Variants in WWOX observed in about 807,000 individuals in gnomAD.
WWOX encodes WW domain-containing oxidoreductase.
In WWOX, 69 loss-of-function variants were observed where a neutral mutation model predicts 46.2. The ratio of observed to expected loss-of-function variants is 1.49; its 90% CI spans 1.23 to 1.82. WWOX has a LOEUF of 1.82. WWOX is among the 40% of genes most tolerant of loss of function. The probability of loss-of-function intolerance (pLI) is 0.00; values close to 1 mark genes in which losing one functional copy is unlikely to be tolerated. For missense variants in WWOX, 919 were observed against 542.6 expected (o/e 1.69, Z -6.89); for synonymous variants, 359 against 202.6 (o/e 1.77, Z -6.56).
At chr16:78,578,610 A>G (rs932787093) in intron 8 of WWOX, among the ~76,000 whole-genome samples, 2 of 151,988 alleles carry the variant, frequency 1.3e-5, no homozygotes, top group African/African-American at 2.4e-5. Flanking sequence ...TATACACACA[A>G]ACATACACAC....
At chr16:78,682,601 A>G (rs1420720418) in intron 8 of WWOX, among the ~76,000 whole-genome samples, 1 of 152,182 alleles carries the variant, frequency 6.6e-6, no homozygotes, top group African/African-American at 2.4e-5. Context: ...CAAGAAGGCC[A>G]CATGTGGTGG....
At chr16:78,788,159 C>T (rs138375411) in intron 8 of WWOX, among the ~76,000 whole-genome samples, 2 of 152,148 alleles carry the variant, frequency 1.3e-5, no homozygotes, top group South Asian at 2.1e-4. Flanking sequence ...ATGAAGTCCC[C>T]TTTATCTATT....
At chr16:78,137,473 C>A (rs868521750) in intron 4 of WWOX, among the ~76,000 whole-genome samples, 1 of 152,010 alleles carries the variant, frequency 6.6e-6, no homozygotes, top group South Asian at 2.1e-4. Context: ...GGTGTCTGAC[C>A]GCTTGTGTTA....
intron 8 of WWOX, among the ~76,000 whole-genome samples, chr16:78,698,169 T>A (rs1337612136): frequency 6.6e-6 from 1 of 152,184 alleles, no homozygotes. Flanking sequence ...ATGGTCCCCT[T>A]TGTCAAAGAG....
chr16:78,393,651 A>G (rs2082224461), intron 6 of WWOX, among the ~76,000 whole-genome samples: 1 of 152,184 alleles, frequency 6.6e-6, no homozygotes, highest in Non-Finnish European at 1.5e-5. Flanking sequence ...AATACTGACC[A>G]AGGGTTTTGA....
At chr16:79,112,806 A>C (rs1275102958) in intron 8 of WWOX, among the ~76,000 whole-genome samples, 1 of 152,190 alleles carries the variant, frequency 6.6e-6, no homozygotes, top group African/African-American at 2.4e-5. Context: ...CAGATGAGGA[A>C]ACTGAGGTGA....
intron 8 of WWOX, among the ~76,000 whole-genome samples, chr16:79,012,570 A>G (rs35574096): frequency 0.25 from 38,031 of 152,016 alleles, 5,543 homozygotes; most frequent in East Asian, 0.56. Flanking sequence ...ATTGTGATCA[A>G]TTTGAAGATC....
At chr16:78,590,782 G>A (rs1206269640) in intron 8 of WWOX, among the ~76,000 whole-genome samples, 1 of 152,194 alleles carries the variant, frequency 6.6e-6, no homozygotes, top group Non-Finnish European at 1.5e-5. Context: ...TCATTTGCAA[G>A]ACCTAATTTC....
chr16:78,533,737 C>A (rs865970326), intron 8 of WWOX, among the ~76,000 whole-genome samples: 2 of 152,194 alleles, frequency 1.3e-5, no homozygotes, highest in East Asian at 1.9e-4. Flanking sequence ...ATGTTATTCC[C>A]TCCAGAAAGC....
intron 5 of WWOX, among the ~76,000 whole-genome samples, chr16:78,226,771 G>A (rs557893741): frequency 2.6e-5 from 4 of 152,154 alleles, no homozygotes; most frequent in Admixed American, 1.3e-4. Context: ...TATTACAGGT[G>A]CATGATAAGT....
chr16:78,983,777 C>T (rs960094280), intron 8 of WWOX, among the ~76,000 whole-genome samples: 2 of 150,546 alleles, frequency 1.3e-5, no homozygotes, highest in Non-Finnish European at 3.0e-5. Flanking sequence ...ACCCCTGTGA[C>T]TTTGAGACAT....
chr16:78,767,656 C>T (rs972353286), intron 8 of WWOX, among the ~76,000 whole-genome samples: 3 of 152,170 alleles, frequency 2.0e-5, no homozygotes, highest in Non-Finnish European at 4.4e-5. Context: ...CTGTCTTCAA[C>T]AGCAGCCGCA....
intron 8 of WWOX, among the ~76,000 whole-genome samples, chr16:78,843,034 A>C (rs1221888370): frequency 1.3e-5 from 2 of 150,050 alleles, no homozygotes; most frequent in Non-Finnish European, 3.0e-5. Flanking sequence ...TTTTACTTTA[A>C]GTGCTGCAAA....
chr16:79,126,916 GGA>G (rs1391416530), intron 8 of WWOX, among the ~76,000 whole-genome samples: 2 of 152,132 alleles, frequency 1.3e-5, no homozygotes, highest in Non-Finnish European at 2.9e-5. Flanking sequence ...ACAGAGAAAA[GGA>G]GAGAGTGGGA....
At chr16:78,387,920 G>A (rs979993901) in intron 6 of WWOX, among the ~76,000 whole-genome samples, 1 of 151,980 alleles carries the variant, frequency 6.6e-6, no homozygotes, top group African/African-American at 2.4e-5. Context: ...GCTGCCTTTG[G>A]GTTAGGCTCT....
chr16:78,398,287 C>T (rs1262490570), intron 6 of WWOX, among the ~76,000 whole-genome samples: 2 of 152,168 alleles, frequency 1.3e-5, no homozygotes, highest in African/African-American at 2.4e-5. Context: ...TCACCTGTGG[C>T]CATGTCTTCC....
At chr16:78,652,700 G>A (rs139247172) in intron 8 of WWOX, among the ~76,000 whole-genome samples, 1,797 of 152,222 alleles carry the variant, frequency 0.012, 15 homozygotes, top group Middle Eastern at 0.027. Context: ...CTGTGGAAAA[G>A]ATGCCAAATT....
At chr16:78,843,207 G>T (rs1258153630) in intron 8 of WWOX, among the ~76,000 whole-genome samples, 1 of 149,948 alleles carries the variant, frequency 6.7e-6, no homozygotes, top group Non-Finnish European at 1.5e-5. Flanking sequence ...AAACACAAAA[G>T]CAAAGATTAG....
At chr16:78,651,935 C>T (rs1043275163) in intron 8 of WWOX, among the ~76,000 whole-genome samples, 1 of 152,070 alleles carries the variant, frequency 6.6e-6, no homozygotes, top group Non-Finnish European at 1.5e-5. Context: ...AATGCAATGG[C>T]AGGCACAGGG....
Sources: allele counts gnomAD v4.1 joint callset (sites outside exome capture counted in the v4.1 genomes callset), GRCh38; gene constraint gnomAD v4.1.1; transcripts MANE v1.5; gene names NCBI Gene and HGNC (gene_info 2026-07-23, HGNC 2026-07-21).